NKD1: variants seen among roughly 807,000 people sequenced by gnomAD.
NKD1 encodes NKD inhibitor of Wnt signaling pathway 1.
In NKD1, 21 loss-of-function variants were observed where a neutral mutation model predicts 56.0. The ratio of observed to expected loss-of-function variants is 0.38; its 90% CI spans 0.27 to 0.54. The LOEUF (loss-of-function observed/expected upper bound fraction) is 0.54. Among genes scored for constraint, NKD1 ranks in the 20% least tolerant of loss-of-function variants. The pLI is 0.82. For missense variants in NKD1, 578 were observed against 642.7 expected (o/e 0.90, Z 1.09); for synonymous variants, 263 against 265.7 (o/e 0.99, Z 0.10).
intron 3 of NKD1, chr16:50,606,805 G>T (rs957008887): frequency 1.3e-5 from 6 of 456,548 alleles, no homozygotes; most frequent in African/African-American, 4.0e-5. Flanking sequence ...CTGTTCCCTC[G>T]GGGAAGCTCT....
intron 8 of NKD1, among the ~76,000 whole-genome samples, chr16:50,631,276 G>A (rs906465001): frequency 6.6e-6 from 1 of 152,120 alleles, no homozygotes; most frequent in Non-Finnish European, 1.5e-5. Context: ...GGGCCTGGCT[G>A]CCACGTGGGT....
At chr16:50,631,722 A>T (rs1962349792) in intron 8 of NKD1, among the ~76,000 whole-genome samples, 1 of 152,184 alleles carries the variant, frequency 6.6e-6, no homozygotes, top group Non-Finnish European at 1.5e-5. Flanking sequence ...CAGGGGAAAA[A>T]GAAAGCCTCT....
At position 50,646,834 on chromosome 16, in the gene NKD1, G is replaced by C. The variant is rs1308585825; in HGVS notation, c.*13053G>C. The C allele has an allele frequency of 2.0e-5, 3 of 152,232 alleles. No homozygotes were observed. Among genetic ancestry groups the C allele is most frequent in the African/African-American group, 7.2e-5 (3 of 41,448 alleles). The allele number at this position is 152,232 out of a possible 1,614,324, so 9.4% of individuals were successfully genotyped here. A position where few individuals can be genotyped will look rare whatever the true frequency, so the allele number is the denominator to read the frequency against. ...GGGGCAGGTATGATCCTGAAGGGAAGACAGTGGGGTGGGACATTTCAGATG... is the reference window on the plus strand; with the variant it reads ...GGGGCAGGTATGATCCTGAAGGGAACACAGTGGGGTGGGACATTTCAGATG... On this transcript the variant is annotated 3_prime_UTR_variant, in exon 10 of 10. Coordinates refer to ENST00000268459, the MANE Select transcript of NKD1 (RefSeq NM_033119.5).
chr16:50,625,631 G>A (rs1338476480), intron 6 of NKD1, 51 bp downstream of exon 6: 2 of 1,200,594 alleles, frequency 1.7e-6, no homozygotes, highest in African/African-American at 3.0e-5. Flanking sequence ...GCAGGCACAG[G>A]GCCTGGGCAC....
chr16:50,575,401 G>C, intron 3 of NKD1: 1 of 948,778 alleles, frequency 1.1e-6, no homozygotes, highest in Non-Finnish European at 1.3e-6. Context: ...TTGTATTTTC[G>C]GGGAGAAAGA....
chr16:50,634,117 A>C lies in NKD1; in HGVS notation c.*336A>C. 4.7e-6 allele frequency: 1 copy of C among 211,064 alleles called. No homozygotes were observed. The highest frequency in any genetic ancestry group is 9.3e-6 in the Non-Finnish European group (1 of 107,384). 13.1% of individuals were successfully genotyped at this position (211,064 alleles called of 1,614,324 possible). On this transcript the variant is annotated 3_prime_UTR_variant, in exon 10 of 10. Coordinates refer to ENST00000268459, the MANE Select transcript of NKD1 (RefSeq NM_033119.5). Reference sequence around the variant, plus strand: ...CAGAGCCAGGGAGCCCTTAGCCTCAACTCTGCCCCACCCCAGCCTCTTCCA... The same window carrying C: ...CAGAGCCAGGGAGCCCTTAGCCTCACCTCTGCCCCACCCCAGCCTCTTCCA...
chr16:50,575,802 G>A (rs1345221039), intron 3 of NKD1, among the ~76,000 whole-genome samples: 1 of 152,214 alleles, frequency 6.6e-6, no homozygotes, highest in Non-Finnish European at 1.5e-5. Context: ...GCCACCATTT[G>A]TTGCATCCTT....
chr16:50,613,296 C>A (rs908837320), intron 4 of NKD1, among the ~76,000 whole-genome samples: 2 of 151,918 alleles, frequency 1.3e-5, no homozygotes, highest in East Asian at 1.9e-4. Context: ...AGAGAGAGAG[C>A]GAGTCAAGAC....
rs1478948500 is a variant in NKD1, at chr16:50,648,728, CAGTA to C, written c.*14951_*14954del. The C allele has an allele frequency of 6.6e-6, 1 of 152,222 alleles. No individual in the cohort carries two copies. Among genetic ancestry groups the C allele is most frequent in the Non-Finnish European group, 1.5e-5 (1 of 68,034 alleles). The allele number at this position is 152,222 out of a possible 1,614,324, so 9.4% of individuals were successfully genotyped here. A position where few individuals can be genotyped will look rare whatever the true frequency, so the allele number is the denominator to read the frequency against. On this transcript the variant is annotated 3_prime_UTR_variant, in exon 10 of 10. Coordinates refer to ENST00000268459, the MANE Select transcript of NKD1 (RefSeq NM_033119.5). ...AATTTTGTGACTAAACTCTAGTCAA[CAGTA>C]AGTGTCATGTAGCAGCTCCTGGGAA...
intron 3 of NKD1, among the ~76,000 whole-genome samples, chr16:50,588,645 C>T (rs1961282419): frequency 6.8e-6 from 1 of 146,690 alleles, no homozygotes. Context: ...CTCTGTTGCC[C>T]AGGTTGGAGA....
intron 3 of NKD1, among the ~76,000 whole-genome samples, chr16:50,595,969 G>A (rs753228278): frequency 2.0e-5 from 3 of 152,226 alleles, no homozygotes; most frequent in Non-Finnish European, 2.9e-5. Flanking sequence ...TGCTGGTTGG[G>A]ATGGGCAGGA....
chr16:50,627,782 T>A (rs1962255948), intron 6 of NKD1, among the ~76,000 whole-genome samples: 1 of 152,202 alleles, frequency 6.6e-6, no homozygotes, highest in South Asian at 2.1e-4. Context: ...ATTTTCAAGC[T>A]AGAATTGCCA....
chr16:50,556,524 C>T lies in NKD1; in HGVS notation c.192+6969C>T, dbSNP rs2151262579. On this transcript the variant is annotated intron_variant, in intron 3 of 9. Transcript: ENST00000268459. ...ATGGGTCTGGGCTTTGCTTTCCTTACTTGTTAAGTCACATGGGCTGTGGCG... is the reference window on the plus strand; with the variant it reads ...ATGGGTCTGGGCTTTGCTTTCCTTATTTGTTAAGTCACATGGGCTGTGGCG... The T allele has an allele frequency of 2.0e-5, 3 of 152,526 alleles. No individual in the cohort carries two copies. In the South Asian group the frequency reaches 6.2e-4, roughly 32 times the overall value. 9.4% of individuals were successfully genotyped at this position (152,526 alleles called of 1,614,324 possible). A position where few individuals can be genotyped will look rare whatever the true frequency, so the allele number is the denominator to read the frequency against.
intron 3 of NKD1, among the ~76,000 whole-genome samples, chr16:50,591,507 G>A (rs1961367053): frequency 6.6e-6 from 1 of 152,226 alleles, no homozygotes. Flanking sequence ...CTGGGGCCTG[G>A]CTGAATTGGC....
rs369647847 is a variant in NKD1, at chr16:50,608,330, G to A, written c.229G>A (p.Glu77Lys). 2.2e-5 allele frequency: 35 copies of A among 1,613,310 alleles called. No individual in the cohort carries two copies. The highest frequency in any genetic ancestry group is 3.3e-4 in the Middle Eastern group (2 of 6,084). ...CGACGTGTTGAGAGACACGCTCAGC[G>A]AGGAAGAGGAGGACGACTTTCGGCT... Reference protein sequence around the residue: ...VGDVLRDTLSEEEEDDFRLEV... With the variant: ...VGDVLRDTLSKEEEDDFRLEV... The change falls in exon 4 of 10, where the codon GAG becomes AAG. Residue 77 changes from glutamate (E) to lysine (K), a missense_variant. By Grantham distance (56) the Glu-to-Lys change is moderately conservative (BLOSUM62 1). Transcript: ENST00000268459.
chr16:50,566,018 C>T (rs1053438095), intron 3 of NKD1: 5 of 258,240 alleles, frequency 1.9e-5, no homozygotes, highest in Admixed American at 6.5e-5. Flanking sequence ...CACTGCACAT[C>T]CTGATATGAT....
intron 3 of NKD1, among the ~76,000 whole-genome samples, chr16:50,592,219 G>A (rs530666532): frequency 5.3e-5 from 8 of 152,336 alleles, no homozygotes; most frequent in East Asian, 1.9e-4. Flanking sequence ...CAAGGCCAGC[G>A]CGTTGCTGCT....
chr16:50,557,491 G>A (rs1226218313), intron 3 of NKD1: 1 of 152,190 alleles, frequency 6.6e-6, no homozygotes, highest in Non-Finnish European at 1.5e-5. Context: ...TAACTACCAA[G>A]TATGATACTT....
chr16:50,570,995 C>T lies in NKD1; in HGVS notation c.192+21440C>T, dbSNP rs563864264. On this transcript the variant is annotated intron_variant, in intron 3 of 9. Coordinates refer to ENST00000268459, the MANE Select transcript of NKD1 (RefSeq NM_033119.5). Reference sequence around the variant, plus strand: ...GTGGTATCCTTCACTGGGCTCATGGCGGACCCTCCTGGGTGTGCACCTGTC... The same window carrying T: ...GTGGTATCCTTCACTGGGCTCATGGTGGACCCTCCTGGGTGTGCACCTGTC... The T allele has an allele frequency of 2.1e-5, 21 of 985,340 alleles. No homozygotes were observed. In the East Asian group the frequency reaches 1.0e-3, roughly 48 times the overall value. 61.0% of individuals were successfully genotyped at this position (985,340 alleles called of 1,614,324 possible).
Sources: allele counts gnomAD v4.1 joint callset (sites outside exome capture counted in the v4.1 genomes callset), GRCh38; gene constraint gnomAD v4.1.1; transcripts MANE v1.5; gene names NCBI Gene and HGNC (gene_info 2026-07-23, HGNC 2026-07-21).